Variants in ARRB1 observed in about 807,000 individuals in gnomAD.
ARRB1 encodes arrestin beta 1, also known as beta-arrestin-1.
ARRB1 carries 21 observed loss-of-function variants against 56.8 expected under a neutral mutation model. The observed-to-expected ratio is 0.37, with a 90% CI of 0.26 to 0.53. ARRB1 has a LOEUF of 0.53. Ranked by LOEUF, ARRB1 falls within the 20% of genes least tolerant of loss-of-function variation. The probability of loss-of-function intolerance (pLI) is 0.88; values close to 1 mark genes in which losing one functional copy is unlikely to be tolerated. For missense variants in ARRB1, 424 were observed against 553.7 expected (o/e 0.77, Z 2.35); for synonymous variants, 210 against 218.6 (o/e 0.96, Z 0.35).
chr11:75,325,883 C>A (rs369496788), intron 1 of ARRB1, among the ~76,000 whole-genome samples: 15 of 152,306 alleles, frequency 9.8e-5, no homozygotes, highest in African/African-American at 3.4e-4. Context: ...TCTGGTCTGA[C>A]CCTGCCAGTG....
intron 1 of ARRB1, among the ~76,000 whole-genome samples, chr11:75,338,856 C>A (rs1947652833): frequency 6.6e-6 from 1 of 152,078 alleles, no homozygotes; most frequent in Admixed American, 6.6e-5. Context: ...CTCCCAGTAC[C>A]CTGGGGCAAT....
At chr11:75,282,866 T>G (rs985936074) in intron 5 of ARRB1, among the ~76,000 whole-genome samples, 5 of 152,180 alleles carry the variant, frequency 3.3e-5, no homozygotes, top group African/African-American at 9.7e-5. Flanking sequence ...CATCTTAAAG[T>G]CTCTGATTTG....
chr11:75,334,426 C>A (rs1387336000), intron 1 of ARRB1, among the ~76,000 whole-genome samples: 4 of 152,096 alleles, frequency 2.6e-5, no homozygotes, highest in African/African-American at 9.7e-5. Context: ...CTCACCCCAG[C>A]AGCTTGTATC....
At chr11:75,282,187 T>C in intron 5 of ARRB1, 166 bp from the exon 6 acceptor site, 2 of 623,990 alleles carry the variant, frequency 3.2e-6, no homozygotes, top group Non-Finnish European at 2.8e-6. Flanking sequence ...TAAAACTCTT[T>C]AGATAAAGAG....
chr11:75,327,205 G>A (rs887261283), intron 1 of ARRB1, among the ~76,000 whole-genome samples: 1 of 150,550 alleles, frequency 6.6e-6, no homozygotes, highest in Non-Finnish European at 1.5e-5. Context: ...GGGAGGCTGA[G>A]GCAGGAGAAT....
intron 7 of ARRB1, among the ~76,000 whole-genome samples, chr11:75,279,280 G>T (rs896649149): frequency 6.6e-6 from 1 of 152,204 alleles, no homozygotes; most frequent in Non-Finnish European, 1.5e-5. Flanking sequence ...AAGAAATGGG[G>T]CTTGGGGAGG....
chr11:75,343,528 A>T, intron 1 of ARRB1, among the ~76,000 whole-genome samples: 1 of 152,172 alleles, frequency 6.6e-6, no homozygotes, highest in Non-Finnish European at 1.5e-5. Context: ...TCTTTGCTTT[A>T]TCTTACTTAA....
chr11:75,297,864 CAAAAAAAAA>C (rs34831668), intron 1 of ARRB1, among the ~76,000 whole-genome samples: 8 of 29,268 alleles, frequency 2.7e-4, no homozygotes, highest in African/African-American at 4.1e-4. Context: ...GACTTTGTCT[CAAAAAAAAA>C]AAAAAAAAAA....
intron 1 of ARRB1, among the ~76,000 whole-genome samples, chr11:75,329,426 C>T (rs1192830567): frequency 6.6e-6 from 1 of 152,144 alleles, no homozygotes; most frequent in Non-Finnish European, 1.5e-5. Context: ...TGAGCCAAAC[C>T]TTCTCTGAGC....
intron 1 of ARRB1, among the ~76,000 whole-genome samples, chr11:75,327,393 C>A (rs1947456469): frequency 6.6e-6 from 1 of 151,558 alleles, no homozygotes; most frequent in South Asian, 2.1e-4. Context: ...TCTCTAACTC[C>A]TGGACTCAAG....
chr11:75,311,225 A>G (rs952105462), intron 1 of ARRB1, among the ~76,000 whole-genome samples: 3 of 152,228 alleles, frequency 2.0e-5, no homozygotes, highest in Non-Finnish European at 4.4e-5. Flanking sequence ...AATCCCAGCT[A>G]CTTGGGAAGC....
chr11:75,291,841 T>C (rs537103452), intron 1 of ARRB1, among the ~76,000 whole-genome samples: 1 of 152,302 alleles, frequency 6.6e-6, no homozygotes, highest in South Asian at 2.1e-4. Context: ...CTGAGAGGGC[T>C]TCCTGCCACC....
chr11:75,269,388 C>T lies in ARRB1; in HGVS notation c.1023-429G>A, dbSNP rs565072286. On this transcript the variant is annotated intron_variant, in intron 13 of 15. Coordinates refer to ENST00000420843, the MANE Select transcript of ARRB1 (RefSeq NM_004041.5). Reference sequence around the variant, plus strand: ...CAGGTCGGAGCTCCTCCCACCCTCACGCCATCCCATCTCCCAACACCTCCA... The same window carrying T: ...CAGGTCGGAGCTCCTCCCACCCTCATGCCATCCCATCTCCCAACACCTCCA... 6.3e-4 allele frequency among the ~76,000 whole-genome samples: 96 copies of T among 152,262 alleles called. 1 individual carries two copies. In the South Asian group the frequency reaches 0.019, roughly 30 times the overall value.
intron 1 of ARRB1, among the ~76,000 whole-genome samples, chr11:75,339,690 G>A (rs1565147265): frequency 6.6e-6 from 1 of 152,144 alleles, no homozygotes; most frequent in Non-Finnish European, 1.5e-5. Flanking sequence ...CCCCTCTTCT[G>A]GCAGCTGTTG....
chr11:75,317,688 C>A (rs931800424), intron 1 of ARRB1, among the ~76,000 whole-genome samples: 1 of 152,244 alleles, frequency 6.6e-6, no homozygotes, highest in African/African-American at 2.4e-5. Flanking sequence ...ACCGCACTGG[C>A]ACCCAGCCTC....
intron 1 of ARRB1, among the ~76,000 whole-genome samples, chr11:75,307,983 T>A (rs1947067952): frequency 6.6e-6 from 1 of 152,162 alleles, no homozygotes; most frequent in South Asian, 2.1e-4. Context: ...GATAGCACCA[T>A]CCCCATCATC....
chr11:75,282,686 TTGC>T (rs1383833821), intron 5 of ARRB1, among the ~76,000 whole-genome samples: 1 of 152,248 alleles, frequency 6.6e-6, no homozygotes, highest in Non-Finnish European at 1.5e-5. Context: ...GTTGTTTTAA[TTGC>T]TGCCGAGTTT....
Position 75,266,149 on chromosome 11 carries a change from C to T in ARRB1, c.*14G>A. 9 of 1,608,148 alleles carry T rather than the reference C, an allele frequency of 5.6e-6. No homozygotes were observed. Among genetic ancestry groups the T allele is most frequent in the South Asian group, 1.1e-5 (1 of 90,972 alleles). On this transcript the variant is annotated 3_prime_UTR_variant, in exon 16 of 16. Coordinates refer to ENST00000420843, the MANE Select transcript of ARRB1 (RefSeq NM_004041.5). ...GAGTGGAGCCGGAGCCACGTGGAGG[C>T]AGGGCCGGCCCGTCTATCTGTTGTT...
chr11:75,270,787 C>T (rs1946059955), intron 13 of ARRB1: 1 of 152,142 alleles, frequency 6.6e-6, no homozygotes, highest in African/African-American at 2.4e-5. Flanking sequence ...TAGAATCAGA[C>T]CTTGTCTCAG....
Sources: allele counts gnomAD v4.1 joint callset (sites outside exome capture counted in the v4.1 genomes callset), GRCh38; gene constraint gnomAD v4.1.1; transcripts MANE v1.5; gene names NCBI Gene and HGNC (gene_info 2026-07-23, HGNC 2026-07-21).